SRBD1: variants seen among roughly 807,000 people sequenced by gnomAD.
The protein encoded by SRBD1 is S1 RNA binding domain 1.
In SRBD1, 88 loss-of-function variants were observed where a neutral mutation model predicts 115.3. The ratio of observed to expected loss-of-function variants is 0.76; its 90% CI spans 0.64 to 0.91. The LOEUF is 0.91. SRBD1 is among the 40% of genes least tolerant of loss of function. SRBD1 has a pLI of 0.00. For synonymous variants in SRBD1, 509 were observed against 407.7 expected, an observed-to-expected ratio of 1.25 and a Z score of -2.99; for missense variants, 1,385 against 1,177.4, an observed-to-expected ratio of 1.18 and a Z score of -2.58.
chr2:45,421,408 G>A (rs1667995751), intron 16 of SRBD1, among the ~76,000 whole-genome samples: 1 of 148,860 alleles, frequency 6.7e-6, no homozygotes, highest in Admixed American at 6.8e-5. Context: ...TCCAGAAGCT[G>A]AGGCAGGAGA....
chr2:45,481,518 C>A (rs551339648), intron 15 of SRBD1, among the ~76,000 whole-genome samples: 14 of 152,118 alleles, frequency 9.2e-5, no homozygotes, highest in African/African-American at 3.4e-4. Context: ...ATGAAAGAGG[C>A]AGAGAATAAA....
rs536207734 is a variant in SRBD1 at position 45,502,833 on chromosome 2, TA to T, written c.1875-14503del. Among the ~76,000 whole-genome samples, 1,420 of 145,882 alleles carry T rather than the reference TA, an allele frequency of 9.7e-3. 29 individuals carry two copies. Among genetic ancestry groups the T allele is most frequent in the African/African-American group, 0.031 (1,241 of 39,866 alleles). On this transcript the variant is annotated intron_variant, in intron 14 of 20. Coordinates refer to ENST00000263736, the MANE Select transcript of SRBD1 (RefSeq NM_018079.5). Reference sequence around the variant, plus strand: ...CCCTAGAACTTAAAGTATAATAAATTAAAAAAAAAAAGATATCACTCTGTCA... The same window carrying T: ...CCCTAGAACTTAAAGTATAATAAATTAAAAAAAAAAGATATCACTCTGTCA...
At chr2:45,529,053 T>C (rs1324234364) in intron 14 of SRBD1, among the ~76,000 whole-genome samples, 10 of 151,936 alleles carry the variant, frequency 6.6e-5, no homozygotes, top group Admixed American at 5.9e-4. Flanking sequence ...AATCATCCAA[T>C]ATAACCAAAA....
At chr2:45,425,296 C>T (rs900939743) in intron 16 of SRBD1, among the ~76,000 whole-genome samples, 22 of 152,102 alleles carry the variant, frequency 1.4e-4, no homozygotes, top group Admixed American at 3.3e-4. Context: ...TATAATAGCA[C>T]GTAACTGAAT....
intron 14 of SRBD1, among the ~76,000 whole-genome samples, chr2:45,501,068 T>C (rs1379646625): frequency 6.6e-6 from 1 of 152,122 alleles, no homozygotes; most frequent in Non-Finnish European, 1.5e-5. Flanking sequence ...TCCACCCAAT[T>C]TGTTGAGAGT....
rs770501399 is a variant in SRBD1, at chr2:45,546,683, T to C, written c.1874+49A>G. 4 of 1,581,622 alleles carry C rather than the reference T, an allele frequency of 2.5e-6. No homozygotes were observed. In the South Asian group the frequency reaches 4.4e-5, roughly 17 times the overall value. On this transcript the variant is annotated intron_variant, in intron 14 of 20. Transcript: ENST00000263736. ...GGAGGATTCATCACAAAAGCAACTT[T>C]AAAGTTCCCATGCTTCTCCAAGAAA... is the stretch of plus-strand genomic sequence containing the variant.
chr2:45,531,006 A>G (rs1671594183), intron 14 of SRBD1, among the ~76,000 whole-genome samples: 1 of 151,852 alleles, frequency 6.6e-6, no homozygotes. Flanking sequence ...CACAGAATCA[A>G]TTGTCAAATA....
At chr2:45,446,904 T>C (rs1167561801) in intron 16 of SRBD1, among the ~76,000 whole-genome samples, 3 of 152,146 alleles carry the variant, frequency 2.0e-5, no homozygotes, top group Admixed American at 1.3e-4. Flanking sequence ...GAAACTATTA[T>C]TCAAGCAGGA....
intron 14 of SRBD1, among the ~76,000 whole-genome samples, chr2:45,540,485 G>C (rs889658390): frequency 6.6e-6 from 1 of 151,570 alleles, no homozygotes; most frequent in Non-Finnish European, 1.5e-5. Flanking sequence ...TTCCAGAATA[G>C]AAAACAAAAA....
At chr2:45,460,311 C>T (rs990445668) in intron 16 of SRBD1, among the ~76,000 whole-genome samples, 7 of 152,070 alleles carry the variant, frequency 4.6e-5, no homozygotes, top group Admixed American at 2.0e-4. Context: ...AACACATATC[C>T]GACTAGGTTT....
At chr2:45,460,459 G>A (rs1466811336) in intron 16 of SRBD1, among the ~76,000 whole-genome samples, 4 of 152,234 alleles carry the variant, frequency 2.6e-5, no homozygotes, top group Admixed American at 1.3e-4. Context: ...GAAGGGAGTC[G>A]AGGAAACAGG....
chr2:45,605,838 A>T (rs1212399064), intron 1 of SRBD1, among the ~76,000 whole-genome samples: 3 of 147,890 alleles, frequency 2.0e-5, no homozygotes, highest in African/African-American at 5.0e-5. Flanking sequence ...CAGGAGGTGG[A>T]GGTTGCAGAG....
intron 14 of SRBD1, among the ~76,000 whole-genome samples, chr2:45,514,714 A>G (rs1382199075): frequency 6.6e-6 from 1 of 152,058 alleles, no homozygotes; most frequent in Non-Finnish European, 1.5e-5. Flanking sequence ...TCATTACAGA[A>G]CTCAATGAAT....
intron 10 of SRBD1, among the ~76,000 whole-genome samples, chr2:45,560,884 C>T (rs1364426330): frequency 6.6e-6 from 1 of 151,692 alleles, no homozygotes; most frequent in South Asian, 2.1e-4. Context: ...GATAGAAGGA[C>T]CGCTTGAGCC....
intron 15 of SRBD1, among the ~76,000 whole-genome samples, chr2:45,486,643 G>A (rs957660821): frequency 6.6e-6 from 1 of 151,974 alleles, no homozygotes; most frequent in African/African-American, 2.4e-5. Context: ...TGAGGCAAGA[G>A]AATGGCATGA....
At chr2:45,547,337 G>A (rs1672151882) in intron 13 of SRBD1, among the ~76,000 whole-genome samples, 185 bp downstream of exon 13, 2 of 152,134 alleles carry the variant, frequency 1.3e-5, no homozygotes, top group African/African-American at 4.8e-5. Context: ...GCAAAGGAAG[G>A]GAGCAGCGTT....
At chr2:45,475,716 C>T (rs528186707) in intron 16 of SRBD1, among the ~76,000 whole-genome samples, 26 of 152,236 alleles carry the variant, frequency 1.7e-4, no homozygotes, top group Non-Finnish European at 3.1e-4. Flanking sequence ...TTTTCTTTCT[C>T]GAGATGGAGT....
rs141217479 is a variant in SRBD1, at chr2:45,559,584, A to T, written c.1409+3069T>A. ...CAGGGGAATCTCCAAAATCTAGCAC[A>T]TAACTTGAATGGATAAGTACATACA... On this transcript the variant is annotated intron_variant, in intron 10 of 20. Coordinates refer to ENST00000263736, the MANE Select transcript of SRBD1 (RefSeq NM_018079.5). Among the ~76,000 whole-genome samples the T allele has an allele frequency of 5.3e-5, 8 of 152,366 alleles. No homozygotes were observed. The East Asian group carries it at 1.5e-3, about 29-fold the overall frequency.
intron 15 of SRBD1, among the ~76,000 whole-genome samples, chr2:45,482,783 C>A (rs141566817): frequency 2.5e-4 from 38 of 152,118 alleles, no homozygotes; most frequent in African/African-American, 8.7e-4. Context: ...AGGACCCCTG[C>A]AGACACCAAA....
Sources: allele counts gnomAD v4.1 joint callset (sites outside exome capture counted in the v4.1 genomes callset), GRCh38; gene constraint gnomAD v4.1.1; transcripts MANE v1.5; gene names NCBI Gene and HGNC (gene_info 2026-07-23, HGNC 2026-07-21).